The following JPH2 variants were observed in gnomAD, a reference collection of about 807,000 sequenced individuals.
The protein encoded by JPH2 is junctophilin-2.
A neutral mutation model predicts 55.9 loss-of-function variants in JPH2; 38 were observed. The ratio of observed to expected loss-of-function variants is 0.68; its 90% CI spans 0.52 to 0.89. JPH2 has a LOEUF of 0.89. Ranked by LOEUF, JPH2 falls within the 40% of genes least tolerant of loss-of-function variation. JPH2 has a pLI of 0.00. For synonymous variants in JPH2, 480 were observed against 472.4 expected (o/e 1.02, Z -0.21); for missense variants, 964 against 1,037.6 (o/e 0.93, Z 0.97).
chr20:44,126,141 A>AGAGAGAGAGAGGGAGGGAGGGAGGGC (rs2072273503), intron 2 of JPH2, among the ~76,000 whole-genome samples: 1 of 45,724 alleles, frequency 2.2e-5, no homozygotes, highest in African/African-American at 9.9e-5. Flanking sequence ...AAAAAGAGAG[A>AGAGAGAGAGAGGGAGGGAGGGAGGGC]GGGAGGGAGG....
chr20:44,115,203 C>T (rs140842768), intron 4 of JPH2, among the ~76,000 whole-genome samples: 1 of 152,292 alleles, frequency 6.6e-6, no homozygotes, highest in East Asian at 1.9e-4. Context: ...CAGCTTCAGT[C>T]TTTGTTGCCG....
chr20:44,135,980 T>C (rs2072410324), intron 2 of JPH2, among the ~76,000 whole-genome samples: 1 of 152,208 alleles, frequency 6.6e-6, no homozygotes, highest in South Asian at 2.1e-4. Context: ...ACAGCAGCCT[T>C]ATGAGAGAAA....
chr20:44,181,688 T>A (rs936130906), intron 1 of JPH2, among the ~76,000 whole-genome samples: 3 of 152,218 alleles, frequency 2.0e-5, no homozygotes, highest in African/African-American at 7.2e-5. Context: ...TTGCATGCTC[T>A]GTCCTCTCGT....
chr20:44,166,765 G>A (rs1012711495), intron 1 of JPH2, among the ~76,000 whole-genome samples: 2 of 152,172 alleles, frequency 1.3e-5, no homozygotes, highest in African/African-American at 4.8e-5. Context: ...CACAGAGGGA[G>A]AGAGGGAGGC....
intron 1 of JPH2, among the ~76,000 whole-genome samples, chr20:44,183,447 C>G (rs1296489768): frequency 6.6e-6 from 1 of 152,226 alleles, no homozygotes; most frequent in Non-Finnish European, 1.5e-5. Context: ...TCGTTAACTT[C>G]CAAACACGGT....
Position 44,111,842 on chromosome 20 carries a change from A to T in JPH2, c.*1676T>A, listed in dbSNP as rs1462992139. ...GCACCAGCCAAAAAAAAACAACAGA[A>T]AAAAAACAGGACAAGAATCTCCGAG... On this transcript the variant is annotated 3_prime_UTR_variant, in exon 6 of 6. Transcript: ENST00000372980. 6.6e-6 allele frequency: 1 copy of T among 152,296 alleles called. No individual in the cohort carries two copies. Among genetic ancestry groups the T allele is most frequent in the East Asian group, 1.9e-4 (1 of 5,192 alleles). 9.4% of individuals were successfully genotyped at this position (152,296 alleles called of 1,614,324 possible).
At chr20:44,126,080 T>C (rs1173424020) in intron 2 of JPH2, among the ~76,000 whole-genome samples, 1 of 148,412 alleles carries the variant, frequency 6.7e-6, no homozygotes, top group Non-Finnish European at 1.5e-5. Context: ...GAGCTATGAT[T>C]ATGCCACTGC....
chr20:44,164,187 G>A (rs55745982), intron 1 of JPH2, among the ~76,000 whole-genome samples: 1,839 of 152,302 alleles, frequency 0.012, 29 homozygotes, highest in African/African-American at 0.037. Flanking sequence ...AGAGAAATGG[G>A]AATGTGGTAT....
intron 2 of JPH2, among the ~76,000 whole-genome samples, chr20:44,136,681 C>G (rs975039825): frequency 1.3e-5 from 2 of 152,110 alleles, no homozygotes; most frequent in African/African-American, 4.8e-5. Flanking sequence ...AAGATGGAAG[C>G]ATTAGTTACT....
chr20:44,139,924 T>C (rs2072443312), intron 2 of JPH2, among the ~76,000 whole-genome samples: 2 of 152,088 alleles, frequency 1.3e-5, no homozygotes, highest in South Asian at 4.1e-4. Flanking sequence ...CAGGCTGGAG[T>C]GCAGTGGTGC....
At chr20:44,149,467 G>T (rs991799975) in intron 2 of JPH2, among the ~76,000 whole-genome samples, 24 of 152,242 alleles carry the variant, frequency 1.6e-4, no homozygotes, top group African/African-American at 5.8e-4. Flanking sequence ...GTGTGCATGT[G>T]CATGTGTGTA....
intron 2 of JPH2, among the ~76,000 whole-genome samples, chr20:44,149,798 C>G (rs909130201): frequency 6.6e-6 from 1 of 151,978 alleles, no homozygotes; most frequent in African/African-American, 2.4e-5. Flanking sequence ...GCCAACATGG[C>G]GAAACCCCAT....
At chr20:44,119,964 C>G (rs2072223271) in intron 2 of JPH2, among the ~76,000 whole-genome samples, 1 of 151,870 alleles carries the variant, frequency 6.6e-6, no homozygotes, top group South Asian at 2.1e-4. Context: ...CCTCCTCTTG[C>G]CTCAAGAGGA....
At chr20:44,184,284 CTTCTTCTTCTTCTTT>C (rs1225135658) in intron 1 of JPH2, among the ~76,000 whole-genome samples, 6 of 152,098 alleles carry the variant, frequency 3.9e-5, no homozygotes, top group African/African-American at 1.4e-4. Flanking sequence ...TCTTCTTCTT[CTTCTTCTTCTTCTTT>C]TTTTCCATCA....
intron 2 of JPH2, among the ~76,000 whole-genome samples, chr20:44,119,433 G>A (rs2072218866): frequency 6.6e-6 from 1 of 152,146 alleles, no homozygotes; most frequent in Non-Finnish European, 1.5e-5. Context: ...TTTTCTCATT[G>A]TAGTGGGTAC....
At chr20:44,122,874 C>T (rs530400592) in intron 2 of JPH2, among the ~76,000 whole-genome samples, 1 of 152,284 alleles carries the variant, frequency 6.6e-6, no homozygotes, top group East Asian at 1.9e-4. Flanking sequence ...TTTAGAGCCA[C>T]TTCTCTGGGC....
At chr20:44,122,909 G>A (rs1026210152) in intron 2 of JPH2, among the ~76,000 whole-genome samples, 1 of 152,154 alleles carries the variant, frequency 6.6e-6, no homozygotes, top group Non-Finnish European at 1.5e-5. Flanking sequence ...GAGGGAGGAG[G>A]AGGGAAAGGG....
At chr20:44,151,989 C>T (rs943153337) in intron 2 of JPH2, among the ~76,000 whole-genome samples, 5 of 152,204 alleles carry the variant, frequency 3.3e-5, no homozygotes, top group East Asian at 1.9e-4. Context: ...TCCTCTGGGA[C>T]AGCTAGTTGC....
Position 44,133,371 on chromosome 20 carries a change from T to A in JPH2, c.1170-14748A>T, listed in dbSNP as rs145750170. On this transcript the variant is annotated intron_variant, in intron 2 of 5. Transcript: ENST00000372980. ...ATCTCACATCTATTGGTACTAGACC[T>A]TTTAGAAGTATGGTTTCATTTATTC... 1.3e-4 allele frequency among the ~76,000 whole-genome samples: 20 copies of A among 152,062 alleles called. No individual in the cohort carries two copies. In the East Asian group the frequency reaches 3.9e-3, roughly 30 times the overall value.
Sources: allele counts gnomAD v4.1 joint callset (sites outside exome capture counted in the v4.1 genomes callset), GRCh38; gene constraint gnomAD v4.1.1; transcripts MANE v1.5; gene names NCBI Gene and HGNC (gene_info 2026-07-23, HGNC 2026-07-21).